Variants in TUSC3 observed in about 807,000 individuals in gnomAD.
TUSC3 encodes the protein tumor suppressor candidate 3.
TUSC3 carries 45 observed loss-of-function variants against 44.8 expected under a neutral mutation model. That is an observed-to-expected ratio of 1.00 (90% CI 0.79 to 1.29). TUSC3 has a LOEUF of 1.29. Ranked by LOEUF, TUSC3 falls within the 50% of genes most tolerant of loss-of-function variation. TUSC3 has a pLI of 0.00. For missense variants in TUSC3, 519 were observed against 437.9 expected (o/e 1.19, Z -1.65); for synonymous variants, 212 against 152.9 (o/e 1.39, Z -2.85).
Position 15,445,554 on chromosome 8 carries a change from C to G in TUSC3, n.91+28249C>G, listed in dbSNP as rs183119818. 4.2e-3 allele frequency among the ~76,000 whole-genome samples: 644 copies of G among 152,294 alleles called. 1 individual carries two copies. Among genetic ancestry groups the G allele is most frequent in the African/African-American group, 0.014 (593 of 41,568 alleles). ...ATGCTGCCTTCAAGCATCTGTTTAACAAAGCACATCTTGCACCGCCCTTAA... is the reference window on the plus strand; with the variant it reads ...ATGCTGCCTTCAAGCATCTGTTTAAGAAAGCACATCTTGCACCGCCCTTAA... On this transcript the variant is annotated intron_variant and non_coding_transcript_variant, in intron 1 of 5. Transcript: ENST00000503191.
rs371923284 is a variant in TUSC3 at position 15,482,629 on chromosome 8, A to G, written n.92-757A>G. On this transcript the variant is annotated intron_variant and non_coding_transcript_variant, in intron 1 of 5. Coordinates refer to the TUSC3 transcript ENST00000503191. ...TTTCATGCCTGCAAACACAACATCC[A>G]TTCTGCAGGCCATAGATCAAAGAGT... Among the ~76,000 whole-genome samples, 11 of 152,346 alleles carry G rather than the reference A, an allele frequency of 7.2e-5. No homozygotes were observed. In the South Asian group the frequency reaches 1.7e-3, roughly 23 times the overall value.
chr8:15,514,648 C>A (rs1801190291), intron 2 of TUSC3, among the ~76,000 whole-genome samples: 1 of 152,170 alleles, frequency 6.6e-6, no homozygotes, highest in African/African-American at 2.4e-5. Context: ...GAAGAGCCTA[C>A]TACATTTGTT....
In TUSC3 at chr8:15,530,334, C is replaced by T. The variant is rs964369767; in HGVS notation, n.189+46851C>T. Among the ~76,000 whole-genome samples the T allele has an allele frequency of 7.8e-4, 118 of 152,072 alleles. 4 individuals carry two copies. Among genetic ancestry groups the T allele is most frequent in the Non-Finnish European group, 5.9e-5 (4 of 68,034 alleles). ...CTCCTGTGTTTACCCTAGTGTCTGG[C>T]ATAGTGGATAAGTTGATGTGTGAAA... On this transcript the variant is annotated intron_variant and non_coding_transcript_variant, in intron 2 of 5. Transcript: ENST00000503191.
At chr8:15,445,565 T>C (rs1585792425) in intron 1 of TUSC3, among the ~76,000 whole-genome samples, 1 of 152,264 alleles carries the variant, frequency 6.6e-6, no homozygotes, top group East Asian at 1.9e-4. Context: ...AAAGCACATC[T>C]TGCACCGCCC....
chr8:15,525,541 A>T (rs1480116040), intron 2 of TUSC3, among the ~76,000 whole-genome samples: 1 of 152,214 alleles, frequency 6.6e-6, no homozygotes, highest in Non-Finnish European at 1.5e-5. Context: ...ACATAAACAA[A>T]AGCTCTTTGG....
chr8:15,440,712 G>A (rs1210620994), intron 1 of TUSC3, among the ~76,000 whole-genome samples: 1 of 152,204 alleles, frequency 6.6e-6, no homozygotes, highest in Non-Finnish European at 1.5e-5. Context: ...GCATGTCAGT[G>A]TGAACTTCTC....
At chr8:15,627,487 AAG>A (rs1261294470) in intron 2 of TUSC3, among the ~76,000 whole-genome samples, 1 of 152,242 alleles carries the variant, frequency 6.6e-6, no homozygotes, top group African/African-American at 2.4e-5. Context: ...GCAAGGCTAA[AAG>A]AGCTGTAATA....
intron 1 of TUSC3, among the ~76,000 whole-genome samples, chr8:15,480,209 A>G (rs1318457192): frequency 1.3e-5 from 2 of 152,218 alleles, no homozygotes; most frequent in Non-Finnish European, 2.9e-5. Context: ...AAAACTTGCC[A>G]TGCTCAAGGA....
At chr8:15,670,276 A>G (rs1300618042) in intron 5 of TUSC3, among the ~76,000 whole-genome samples, 1 of 151,858 alleles carries the variant, frequency 6.6e-6, no homozygotes, top group African/African-American at 2.4e-5. Context: ...ATATGAAGGA[A>G]GAATAATGCT....
At chr8:15,714,139 T>A (rs1378199854) in intron 6 of TUSC3, among the ~76,000 whole-genome samples, 1 of 152,164 alleles carries the variant, frequency 6.6e-6, no homozygotes, top group Non-Finnish European at 1.5e-5. Flanking sequence ...ACAAAGCATT[T>A]TGAAGACAGT....
intron 7 of TUSC3, among the ~76,000 whole-genome samples, chr8:15,737,631 G>A (rs941182634): frequency 2.0e-5 from 3 of 152,092 alleles, no homozygotes; most frequent in Non-Finnish European, 4.4e-5. Flanking sequence ...AAAGGGTAGA[G>A]GTCCATCTGT....
At chr8:15,602,791 A>G (rs1804346990) in intron 1 of TUSC3, among the ~76,000 whole-genome samples, 1 of 151,408 alleles carries the variant, frequency 6.6e-6, no homozygotes, top group Non-Finnish European at 1.5e-5. Flanking sequence ...TAGATTAGCG[A>G]TTTTTATTAT....
chr8:15,518,992 G>A (rs1396580613), intron 2 of TUSC3, among the ~76,000 whole-genome samples: 1 of 152,086 alleles, frequency 6.6e-6, no homozygotes, highest in East Asian at 1.9e-4. Flanking sequence ...ATCTCTGTAT[G>A]CAAATAAAAC....
rs538702880 is a variant in TUSC3, at chr8:15,429,648, C to G, written n.91+12343C>G. On this transcript the variant is annotated intron_variant and non_coding_transcript_variant, in intron 1 of 5. Coordinates refer to the TUSC3 transcript ENST00000503191. Reference sequence around the variant, plus strand: ...CATTTGTTTGTATCCTCTTTTATTTCATTGAGCAGTGGTTTGTAGTTCTCC... The same window carrying G: ...CATTTGTTTGTATCCTCTTTTATTTGATTGAGCAGTGGTTTGTAGTTCTCC... Among the ~76,000 whole-genome samples the G allele has an allele frequency of 3.7e-3, 565 of 151,540 alleles. 21 individuals are homozygous for G. Among genetic ancestry groups the G allele is most frequent in the African/African-American group, 0.011 (433 of 41,002 alleles).
intron 1 of TUSC3, among the ~76,000 whole-genome samples, chr8:15,430,749 TCTC>T (rs1799863172): frequency 6.6e-6 from 1 of 151,578 alleles, no homozygotes; most frequent in South Asian, 2.1e-4. Context: ...CAGCCCAAAA[TCTC>T]CTTAAGCTGA....
rs527883463 is a variant in TUSC3 at position 15,638,345 on chromosome 8, T to C, written c.309-12352T>C. Among the ~76,000 whole-genome samples, 3 of 152,248 alleles carry C rather than the reference T, an allele frequency of 2.0e-5. No individual in the cohort carries two copies. In the South Asian group the frequency reaches 6.2e-4, roughly 32 times the overall value. On this transcript the variant is annotated intron_variant, in intron 2 of 10. Transcript: ENST00000503731. Reference sequence around the variant, plus strand: ...AGTTACTGTACTGGCATTAGTAGTTTTGATTATGCTTTTTGGAGAACTACA... The same window carrying C: ...AGTTACTGTACTGGCATTAGTAGTTCTGATTATGCTTTTTGGAGAACTACA...
chr8:15,475,321 G>A (rs75864248), intron 1 of TUSC3, among the ~76,000 whole-genome samples: 20,005 of 152,124 alleles, frequency 0.13, 1,748 homozygotes, highest in East Asian at 0.35. Context: ...CTGTCTCAGG[G>A]ATAGTGTTAA....
chr8:15,478,377 C>A (rs77224805), intron 1 of TUSC3, among the ~76,000 whole-genome samples: 3,774 of 152,250 alleles, frequency 0.025, 76 homozygotes, highest in Non-Finnish European at 0.038. Context: ...AGCCCATCAT[C>A]TAGCTACTAA....
chr8:15,604,739 A>G (rs1804445003), intron 1 of TUSC3, among the ~76,000 whole-genome samples: 1 of 151,974 alleles, frequency 6.6e-6, no homozygotes, highest in East Asian at 1.9e-4. Flanking sequence ...TGGTAGCAGA[A>G]TGTTAACTCT....
Sources: allele counts gnomAD v4.1 joint callset (sites outside exome capture counted in the v4.1 genomes callset), GRCh38; gene constraint gnomAD v4.1.1; transcripts MANE v1.5; gene names NCBI Gene and HGNC (gene_info 2026-07-23, HGNC 2026-07-21).